FAT4: variants seen among roughly 807,000 people sequenced by gnomAD.
The protein encoded by FAT4 is FAT atypical cadherin 4.
Under a neutral mutation model 303.9 loss-of-function variants are expected in FAT4, and 84 were observed. The observed-to-expected ratio is 0.28, with a 90% confidence interval of 0.23 to 0.33. The LOEUF (loss-of-function observed/expected upper bound fraction) is 0.33, where lower values mean the gene tolerates loss of function less well. FAT4 is among the 10% of genes least tolerant of loss of function. The pLI is 1.00. For synonymous variants in FAT4, 2,307 were observed against 2,298.8 expected, an observed-to-expected ratio of 1.00 and a Z score of -0.10; for missense variants, 6,005 against 6,146.8, an observed-to-expected ratio of 0.98 and a Z score of 0.77.
rs146458142 is a variant in FAT4, at chr4:125,370,076, C to T, written c.5176-28708C>T. On this transcript the variant is annotated intron_variant, in intron 2 of 17. Transcript: ENST00000394329. Reference sequence around the variant, plus strand: ...GGGCGTATTGGGTTTTAATATTACACGTTTGTTATAAAGGCAGATATAGGG... The same window carrying T: ...GGGCGTATTGGGTTTTAATATTACATGTTTGTTATAAAGGCAGATATAGGG... 2.4e-3 allele frequency among the ~76,000 whole-genome samples: 367 copies of T among 151,414 alleles called. 4 individuals carry two copies. The highest frequency in any genetic ancestry group is 8.0e-3 in the Admixed American group (121 of 15,186).
At position 125,317,410 on chromosome 4, in the gene FAT4, C is replaced by T. The variant is rs780976285; in HGVS notation, c.999C>T (p.Leu333=). The change falls in exon 2 of 18, where the codon CTC becomes CTT. Residue 333 remains leucine, a synonymous_variant. Transcript: ENST00000394329. The surrounding 1 kb of genome is among the most constrained non-coding windows in gnomAD (Gnocchi z 7.0). ...CGATGGACAGAGGCGTGCCTTCCCT[C>T]ACTGGGCGCGCCGAGGCGCTGATTC... ...VQAMDRGVPS[L]TGRAEALIQL... is the part of the protein sequence containing the mutation. 1.6e-5 allele frequency: 26 copies of T among 1,613,454 alleles called. No homozygotes were observed. The highest frequency in any genetic ancestry group is 3.4e-6 in the Non-Finnish European group (4 of 1,180,054).
chr4:125,458,215 T>C (rs1035600687), intron 10 of FAT4, among the ~76,000 whole-genome samples: 2 of 152,030 alleles, frequency 1.3e-5, no homozygotes, highest in Admixed American at 1.3e-4. Context: ...CTCAATTAAG[T>C]CCCGATATTT....
Position 125,317,990 on chromosome 4 carries a change from G to A in FAT4, c.1579G>A (p.Glu527Lys). Residue 527 changes from glutamate (E) to lysine (K), a missense_variant, in exon 2 of 18, where the codon GAA (glutamate) becomes AAA (lysine). Glu to Lys is a moderately conservative substitution (Grantham distance 56). Transcript: ENST00000394329. This position sits in a 1 kb window ranked among gnomAD's most constrained non-coding sequence, Gnocchi z 7.0. ...GNGLGWFHIS[E>K]HSGLVTTGSS... ...TGGACTGGGATGGTTCCATATCAGTGAACATAGCGGCCTCGTGACCACTGG... is the reference window on the plus strand; with the variant it reads ...TGGACTGGGATGGTTCCATATCAGTAAACATAGCGGCCTCGTGACCACTGG... The A allele has an allele frequency of 6.2e-7, 1 of 1,614,178 alleles. No individual in the cohort carries two copies. Among genetic ancestry groups the A allele is most frequent in the Non-Finnish European group, 8.5e-7 (1 of 1,180,018 alleles).
chr4:125,448,591 C>T lies in FAT4; in HGVS notation c.7581C>T (p.Ala2527=), dbSNP rs748086912. ...IDPLRGAIMA[A]GPLNGASEVT... ...CACTGAGGGGAGCCATTATGGCCGC[C>T]GGACCACTAAACGGAGCTTCAGAAG... is the stretch of plus-strand genomic sequence containing the variant. The change falls in exon 10 of 18, where the codon GCC becomes GCT. Residue 2527 remains alanine, a synonymous_variant. Coordinates refer to ENST00000394329, the MANE Select transcript of FAT4 (RefSeq NM_001291303.3). 14 of 1,613,920 alleles carry T rather than the reference C, an allele frequency of 8.7e-6. No individual in the cohort carries two copies. Among genetic ancestry groups the T allele is most frequent in the Admixed American group, 6.7e-5 (4 of 59,984 alleles).
At chr4:125,361,097 G>A (rs911857049) in intron 2 of FAT4, among the ~76,000 whole-genome samples, 1 of 151,314 alleles carries the variant, frequency 6.6e-6, no homozygotes, top group Admixed American at 6.6e-5. Context: ...CTACTGTATG[G>A]CTAAATATTA....
chr4:125,449,720 G>A lies in FAT4; in HGVS notation c.8710G>A (p.Gly2904Arg), dbSNP rs1359407638. Reference protein sequence around the residue: ...TQVFATDPDEGSNGQVFYFIK... With the variant: ...TQVFATDPDERSNGQVFYFIK... Reference sequence around the variant, plus strand: ...GGTATTTGCAACAGATCCTGATGAGGGATCAAATGGACAAGTGTTTTATTT... The same window carrying A: ...GGTATTTGCAACAGATCCTGATGAGAGATCAAATGGACAAGTGTTTTATTT... Residue 2904 changes from glycine (G) to arginine (R), a missense_variant, in exon 10 of 18, where the codon GGA becomes AGA. Coordinates refer to ENST00000394329, the MANE Select transcript of FAT4 (RefSeq NM_001291303.3). 1.2e-6 allele frequency: 2 copies of A among 1,613,680 alleles called. No homozygotes were observed. The highest frequency in any genetic ancestry group is 1.7e-6 in the Non-Finnish European group (2 of 1,179,878).
rs200234420 is a variant in FAT4 at position 125,415,547 on chromosome 4, A to T, written c.6584A>T (p.Asn2195Ile). ...GGACAGGTTCGCTATGGCATTGTTA[A>T]TGGTAATACCAATCAGGAATTTCGG... The part of the protein sequence containing the change: ...TNGQVRYGIV[N>I]GNTNQEFRID... Residue 2195 changes from asparagine to isoleucine, a missense_variant, in exon 6 of 18, where the codon AAT becomes ATT. Transcript: ENST00000394329. The T allele has an allele frequency of 6.2e-7, 1 of 1,614,100 alleles. No individual in the cohort carries two copies. The highest frequency in any genetic ancestry group is 2.2e-5 in the East Asian group (1 of 44,862).
At chr4:125,347,088 TC>T (rs1377651298) in intron 2 of FAT4, among the ~76,000 whole-genome samples, 1 of 151,906 alleles carries the variant, frequency 6.6e-6, no homozygotes, top group Non-Finnish European at 1.5e-5. Context: ...TATGAAAGCA[TC>T]AGCCTGAGCG....
At chr4:125,375,282 T>C (rs1438590023) in intron 2 of FAT4, among the ~76,000 whole-genome samples, 1 of 152,228 alleles carries the variant, frequency 6.6e-6, no homozygotes, top group Non-Finnish European at 1.5e-5. Flanking sequence ...CAACCTTCTT[T>C]ATCTTAAAAT....
chr4:125,463,734 T>C (rs1018706945), intron 11 of FAT4, 67 bp downstream of exon 11: 33 of 1,157,032 alleles, frequency 2.9e-5, no homozygotes, highest in Non-Finnish European at 4.0e-5. Flanking sequence ...GCAATTTTGT[T>C]TTATTATGAG....
chr4:125,354,751 T>TG lies in FAT4; in HGVS notation c.5175+33166dup, dbSNP rs1416583505. Among the ~76,000 whole-genome samples, 330 of 77,594 alleles carry TG rather than the reference T, an allele frequency of 4.3e-3. 1 individual carries two copies. Among genetic ancestry groups the TG allele is most frequent in the African/African-American group, 0.019 (311 of 16,260 alleles). The allele number at this position is 77,594 out of a possible 152,430, so 50.9% of individuals were successfully genotyped here. On this transcript the variant is annotated intron_variant, in intron 2 of 17. Transcript: ENST00000394329. ...AGTAAACAAGCCTTTCAGAGTTTAATGAAAAAAAAAAAAAAAACTGGTTAG... is the reference window on the plus strand; with the variant it reads ...AGTAAACAAGCCTTTCAGAGTTTAATGGAAAAAAAAAAAAAAAACTGGTTAG...
intron 5 of FAT4, among the ~76,000 whole-genome samples, chr4:125,413,990 G>A (rs1734944293): frequency 6.6e-6 from 1 of 151,978 alleles, no homozygotes; most frequent in African/African-American, 2.4e-5. Flanking sequence ...ATAATATCCT[G>A]TAATTTTTCC....
At chr4:125,331,220 T>G (rs1339813780) in intron 2 of FAT4, among the ~76,000 whole-genome samples, 3 of 152,200 alleles carry the variant, frequency 2.0e-5, no homozygotes, top group Non-Finnish European at 4.4e-5. Context: ...TTTCATCTGT[T>G]TCTGCTATAT....
At chr4:125,374,977 G>A (rs536081739) in intron 2 of FAT4, among the ~76,000 whole-genome samples, 1 of 152,106 alleles carries the variant, frequency 6.6e-6, no homozygotes, top group African/African-American at 2.4e-5. Flanking sequence ...ATATGATATT[G>A]CCCCTTATAT....
At chr4:125,485,258 A>C (rs1419152340) in intron 16 of FAT4, among the ~76,000 whole-genome samples, 1 of 136,014 alleles carries the variant, frequency 7.4e-6, no homozygotes, top group Non-Finnish European at 1.5e-5. Flanking sequence ...ACTTTAGCTT[A>C]CTGTAACTCT....
intron 2 of FAT4, among the ~76,000 whole-genome samples, chr4:125,355,081 A>G (rs1019389368): frequency 3.3e-5 from 5 of 152,040 alleles, no homozygotes; most frequent in South Asian, 2.1e-4. Context: ...TTACCAAATA[A>G]TTCCCTGCAT....
intron 2 of FAT4, among the ~76,000 whole-genome samples, chr4:125,357,999 T>C (rs939851338): frequency 6.6e-6 from 1 of 152,184 alleles, no homozygotes. Flanking sequence ...CAGTTAAGTA[T>C]GGTTCTTTTA....
chr4:125,371,446 G>T lies in FAT4; in HGVS notation c.5176-27338G>T, dbSNP rs535248418. ...CCCAGGAGAGTGGCTGTGAAGGGTG[G>T]CCAGGGATTGAGACATAGGGTATCT... On this transcript the variant is annotated intron_variant, in intron 2 of 17. Coordinates refer to ENST00000394329, the MANE Select transcript of FAT4 (RefSeq NM_001291303.3). 4.5e-3 allele frequency among the ~76,000 whole-genome samples: 691 copies of T among 151,892 alleles called. 4 individuals carry two copies. The highest frequency in any genetic ancestry group is 0.016 in the African/African-American group (646 of 41,492).
chr4:125,451,975 A>C lies in FAT4; in HGVS notation c.10965A>C (p.Ser3655=). The C allele has an allele frequency of 1.2e-6, 2 of 1,614,122 alleles. No individual in the cohort carries two copies. Among genetic ancestry groups the C allele is most frequent in the Non-Finnish European group, 1.7e-6 (2 of 1,180,018 alleles). Residue 3655 remains serine (S), a synonymous_variant, in exon 10 of 18, where the codon TCA becomes TCC. Transcript: ENST00000394329. The part of the protein sequence containing the change: ...VLDSFHCSLT[S]GVTSLFSIPG... ...ACAGCTTCCACTGCTCCCTTACTTC[A>C]GGAGTTACCAGCCTCTTCAGTATTC...
Sources: allele counts gnomAD v4.1 joint callset (sites outside exome capture counted in the v4.1 genomes callset), GRCh38; gene constraint gnomAD v4.1.1; non-coding constraint Gnocchi (gnomAD v3.1); transcripts MANE v1.5; gene names NCBI Gene and HGNC (gene_info 2026-07-23, HGNC 2026-07-21).